SYCP1: variants seen among roughly 807,000 people sequenced by gnomAD.
SYCP1 encodes the protein cancer/testis antigen 8.
In SYCP1, 64 loss-of-function variants were observed where a neutral mutation model predicts 153.1. The ratio of observed to expected loss-of-function variants is 0.42; its 90% CI spans 0.34 to 0.51. The LOEUF is 0.51. Ranked by LOEUF, SYCP1 falls within the 20% of genes least tolerant of loss-of-function variation. The pLI is 0.06. For synonymous variants in SYCP1, 384 were observed against 341.8 expected, an observed-to-expected ratio of 1.12 and a Z score of -1.36; for missense variants, 997 against 1,049.0, an observed-to-expected ratio of 0.95 and a Z score of 0.68.
At chr1:114,932,985 C>A (rs1488480679) in intron 23 of SYCP1, among the ~76,000 whole-genome samples, 1 of 152,176 alleles carries the variant, frequency 6.6e-6, no homozygotes, top group Non-Finnish European at 1.5e-5. Flanking sequence ...CGTAGCTGAA[C>A]ACAAGGCAGC....
At chr1:114,978,370 G>C (rs906861208) in intron 28 of SYCP1, among the ~76,000 whole-genome samples, 7 of 151,480 alleles carry the variant, frequency 4.6e-5, no homozygotes, top group Non-Finnish European at 1.5e-5. Flanking sequence ...TATGTGTCCA[G>C]CTTCTCCTTT....
chr1:114,965,357 C>A (rs930795534), intron 27 of SYCP1, among the ~76,000 whole-genome samples: 1 of 152,120 alleles, frequency 6.6e-6, no homozygotes, highest in Non-Finnish European at 1.5e-5. Context: ...ATTTGTTTCT[C>A]TTACCTGATT....
intron 27 of SYCP1, among the ~76,000 whole-genome samples, chr1:114,969,521 A>G (rs1672343731): frequency 6.6e-6 from 1 of 152,146 alleles, no homozygotes; most frequent in South Asian, 2.1e-4. Context: ...TCCCAGGTTG[A>G]CTTTAGACTG....
intron 16 of SYCP1, among the ~76,000 whole-genome samples, chr1:114,909,809 T>C (rs1037361882): frequency 3.9e-5 from 6 of 152,172 alleles, no homozygotes; most frequent in African/African-American, 1.4e-4. Flanking sequence ...CAGTCCTTGA[T>C]ATAATTTAAA....
chr1:114,863,753 T>C (rs555760451), intron 8 of SYCP1, among the ~76,000 whole-genome samples: 1 of 152,304 alleles, frequency 6.6e-6, no homozygotes, highest in Non-Finnish European at 1.5e-5. Flanking sequence ...TGTCTGGTTA[T>C]AGCCTTTGCC....
intron 30 of SYCP1, among the ~76,000 whole-genome samples, chr1:114,991,419 C>A (rs377580244): frequency 1.3e-5 from 2 of 151,666 alleles, no homozygotes; most frequent in African/African-American, 4.8e-5. Context: ...AGAATATTGG[C>A]GAATCAAATT....
chr1:114,890,415 G>A (rs1666624709), intron 15 of SYCP1, among the ~76,000 whole-genome samples: 1 of 150,992 alleles, frequency 6.6e-6, no homozygotes, highest in Non-Finnish European at 1.5e-5. Flanking sequence ...ATACATTTAT[G>A]TAAATATAAA....
chr1:114,963,421 A>G (rs181209581), intron 27 of SYCP1, among the ~76,000 whole-genome samples: 1 of 152,162 alleles, frequency 6.6e-6, no homozygotes, highest in East Asian at 1.9e-4. Context: ...CGTGTGCAGA[A>G]CATGCAAGTT....
At chr1:114,857,309 G>A (rs1320149011) in intron 4 of SYCP1, 34 bp downstream of exon 4, 1 of 1,589,086 alleles carries the variant, frequency 6.3e-7, no homozygotes, top group Admixed American at 1.8e-5. Context: ...GATATAATCT[G>A]TTTAGGTAAT....
intron 23 of SYCP1, among the ~76,000 whole-genome samples, chr1:114,941,567 C>T (rs1182234935): frequency 1.3e-5 from 2 of 151,996 alleles, no homozygotes; most frequent in Admixed American, 1.3e-4. Flanking sequence ...ACTACATTAT[C>T]TCCTTTATCT....
chr1:114,892,823 C>T (rs914777003), intron 15 of SYCP1, among the ~76,000 whole-genome samples: 1 of 151,810 alleles, frequency 6.6e-6, no homozygotes, highest in Non-Finnish European at 1.5e-5. Flanking sequence ...GTCAGTGGGG[C>T]TCCAGGGATA....
chr1:114,972,188 A>C lies in SYCP1; in HGVS notation c.2323-5369A>C, dbSNP rs1162333290. 2.0e-5 allele frequency among the ~76,000 whole-genome samples: 3 copies of C among 151,928 alleles called. No individual in the cohort carries two copies. In the East Asian group the frequency reaches 5.8e-4, roughly 29 times the overall value. The stretch of plus-strand genomic sequence containing the variant: ...GGAATTTATTTATTTTTAGGTTTTA[A>C]AATTTATTGGCATATATTTACCTCA... On this transcript the variant is annotated intron_variant, in intron 27 of 31. Transcript: ENST00000369522.
chr1:114,882,557 T>C (rs1666026174), intron 12 of SYCP1, among the ~76,000 whole-genome samples: 1 of 152,192 alleles, frequency 6.6e-6, no homozygotes, highest in African/African-American at 2.4e-5. Context: ...ATAGTCCTTT[T>C]CTGATTTTTT....
intron 30 of SYCP1, among the ~76,000 whole-genome samples, chr1:114,992,950 A>G (rs1674025179): frequency 6.6e-6 from 1 of 151,500 alleles, no homozygotes; most frequent in Non-Finnish European, 1.5e-5. Flanking sequence ...AAAAGTCCCA[A>G]TTGAAAAGTG....
At chr1:114,977,415 T>C (rs753551065) in intron 27 of SYCP1, 142 bp from the exon 28 acceptor site, 3 of 511,208 alleles carry the variant, frequency 5.9e-6, no homozygotes, top group Non-Finnish European at 6.6e-6. Flanking sequence ...CTAACTTTTC[T>C]TTTTTTTCTT....
In SYCP1 at chr1:114,925,382, A is replaced by G. The variant is rs558129415; in HGVS notation, c.1801-896A>G. The stretch of plus-strand genomic sequence containing the variant: ...ATACTTTATTTTGCCAATATAGAAA[A>G]TATTAGTGACGATTTAAGGAAAAAA... On this transcript the variant is annotated intron_variant, in intron 21 of 31. Transcript: ENST00000369522. Among the ~76,000 whole-genome samples, 302 of 152,270 alleles carry G rather than the reference A, an allele frequency of 2.0e-3. 1 individual carries two copies. The highest frequency in any genetic ancestry group is 3.0e-3 in the Non-Finnish European group (202 of 68,006).
At chr1:114,993,393 A>C (rs1187444447) in intron 30 of SYCP1, among the ~76,000 whole-genome samples, 4 of 151,596 alleles carry the variant, frequency 2.6e-5, no homozygotes, top group Non-Finnish European at 4.4e-5. Flanking sequence ...CTGACTGCTT[A>C]CATGACTAAA....
intron 8 of SYCP1, among the ~76,000 whole-genome samples, chr1:114,873,281 T>C (rs1355807549): frequency 6.6e-6 from 1 of 152,224 alleles, no homozygotes; most frequent in Non-Finnish European, 1.5e-5. Context: ...TGGTAAAGTA[T>C]AGGGGGAGGA....
At chr1:114,877,053 G>A (rs1665593440) in intron 11 of SYCP1, among the ~76,000 whole-genome samples, 1 of 151,862 alleles carries the variant, frequency 6.6e-6, no homozygotes, top group South Asian at 2.1e-4. Flanking sequence ...ATATCAGTGG[G>A]TAATAGGATA....
Sources: gnomAD v4.1 joint callset for allele counts (sites outside exome capture counted in the v4.1 genomes callset) on GRCh38, gnomAD v4.1.1 for gene constraint, MANE v1.5 for transcripts, NCBI Gene and HGNC (gene_info 2026-07-23, HGNC 2026-07-21) for gene names.